Variants in GRM7 observed in about 807,000 individuals in gnomAD.
GRM7 encodes the protein glutamate metabotropic receptor 7, also known as metabotropic glutamate receptor 7.
In GRM7, 35 loss-of-function variants were observed where a neutral mutation model predicts 84.5. The observed-to-expected ratio is 0.41, with a 90% CI of 0.32 to 0.55. The LOEUF (loss-of-function observed/expected upper bound fraction) is 0.55, where lower values mean the gene tolerates loss of function less well. GRM7 is among the 20% of genes least tolerant of loss of function. GRM7 has a pLI of 0.19. For synonymous variants in GRM7, 487 were observed against 455.1 expected (o/e 1.07, Z -0.89); for missense variants, 1,003 against 1,194.6 (o/e 0.84, Z 2.36).
intron 2 of GRM7, among the ~76,000 whole-genome samples, chr3:7,162,670 C>A (rs1459531556): frequency 7.1e-6 from 1 of 141,034 alleles, no homozygotes; most frequent in African/African-American, 2.6e-5. Flanking sequence ...CTTAAAAAGG[C>A]AATTTGAGGA....
chr3:6,960,458 C>G (rs1693249510), intron 1 of GRM7, among the ~76,000 whole-genome samples: 1 of 152,106 alleles, frequency 6.6e-6, no homozygotes. Flanking sequence ...TATCTCCCAC[C>G]AAAATACTAC....
intron 1 of GRM7, among the ~76,000 whole-genome samples, chr3:7,064,810 C>T (rs2124975295): frequency 6.6e-6 from 1 of 151,836 alleles, no homozygotes; most frequent in Non-Finnish European, 1.5e-5. Flanking sequence ...TACATTCCCA[C>T]CAGCAGTGCA....
At position 7,419,839 on chromosome 3, in the gene GRM7, A is replaced by G. The variant is rs529994089; in HGVS notation, c.1174+4676A>G. Among the ~76,000 whole-genome samples the G allele has an allele frequency of 1.3e-4, 20 of 152,326 alleles. 1 individual carries two copies. In the South Asian group the frequency reaches 4.1e-3, roughly 32 times the overall value. ...CTTTCGCGATGACAGAAGATGAATA[A>G]ATTGGTGACATATATTTTTTGTAAC... On this transcript the variant is annotated intron_variant, in intron 5 of 9. Coordinates refer to ENST00000357716, the MANE Select transcript of GRM7 (RefSeq NM_000844.4).
intron 1 of GRM7, among the ~76,000 whole-genome samples, chr3:7,107,920 A>G (rs1692709705): frequency 6.6e-6 from 1 of 152,090 alleles, no homozygotes; most frequent in African/African-American, 2.4e-5. Context: ...AAAAAAGACG[A>G]GAAAAGAGAC....
At chr3:7,401,361 G>GTT (rs1307628969) in intron 4 of GRM7, among the ~76,000 whole-genome samples, 1 of 152,106 alleles carries the variant, frequency 6.6e-6, no homozygotes, top group Non-Finnish European at 1.5e-5. Flanking sequence ...TGCAAACAGT[G>GTT]TTGACCACGT....
Position 7,102,363 on chromosome 3 carries a change from T to C in GRM7, c.520-44089T>C, listed in dbSNP as rs1272464882. On this transcript the variant is annotated intron_variant, in intron 1 of 9. Transcript: ENST00000357716. Reference sequence around the variant, plus strand: ...CAACATTGTTCTATTGTATGCTGGCTGCCATCGCTTCTGAAGAGAAGTCAG... The same window carrying C: ...CAACATTGTTCTATTGTATGCTGGCCGCCATCGCTTCTGAAGAGAAGTCAG... 2.0e-5 allele frequency among the ~76,000 whole-genome samples: 3 copies of C among 151,832 alleles called. No individual in the cohort carries two copies. The South Asian group carries it at 6.2e-4, about 31-fold the overall frequency.
chr3:7,229,726 CAT>C (rs1162837346), intron 2 of GRM7, among the ~76,000 whole-genome samples: 31 of 28,590 alleles, frequency 1.1e-3, no homozygotes, highest in Non-Finnish European at 1.8e-3. Flanking sequence ...TAGACACACA[CAT>C]ATATATATAT....
chr3:7,070,438 A>G (rs1414576636), intron 1 of GRM7, among the ~76,000 whole-genome samples: 1 of 152,150 alleles, frequency 6.6e-6, no homozygotes, highest in African/African-American at 2.4e-5. Context: ...GCTAAAAACA[A>G]AACTTTTTCA....
intron 1 of GRM7, among the ~76,000 whole-genome samples, chr3:6,964,490 G>A (rs370584119): frequency 6.6e-6 from 1 of 152,098 alleles, no homozygotes; most frequent in South Asian, 2.1e-4. Context: ...CCCCCATGGT[G>A]ACTTGTCCTA....
intron 8 of GRM7, among the ~76,000 whole-genome samples, chr3:7,627,257 C>T (rs1015705009): frequency 6.6e-6 from 1 of 152,108 alleles, no homozygotes; most frequent in Non-Finnish European, 1.5e-5. Context: ...TCTTATTGAT[C>T]AGCACATGTT....
chr3:7,160,799 G>T (rs1289931979), intron 2 of GRM7, among the ~76,000 whole-genome samples: 2 of 152,054 alleles, frequency 1.3e-5, no homozygotes, highest in African/African-American at 4.8e-5. Flanking sequence ...TGTTCCCATA[G>T]CACCCCATAC....
At chr3:6,995,557 G>A (rs1415429210) in intron 1 of GRM7, among the ~76,000 whole-genome samples, 2 of 152,142 alleles carry the variant, frequency 1.3e-5, no homozygotes, top group Non-Finnish European at 2.9e-5. Context: ...TGGCAATTTT[G>A]TACTTTGCTA....
chr3:7,019,857 A>G (rs1695714292), intron 1 of GRM7, among the ~76,000 whole-genome samples: 2 of 152,252 alleles, frequency 1.3e-5, no homozygotes. Flanking sequence ...AGGCTTCAGA[A>G]AAACAATAAC....
intron 1 of GRM7, among the ~76,000 whole-genome samples, chr3:6,926,748 A>G (rs1207278603): frequency 6.6e-6 from 1 of 152,210 alleles, no homozygotes; most frequent in Non-Finnish European, 1.5e-5. Flanking sequence ...CACCATTTTA[A>G]TAACTGTAGA....
intron 1 of GRM7, chr3:6,893,920 C>G (rs929512861): frequency 3.3e-5 from 5 of 152,176 alleles, no homozygotes; most frequent in African/African-American, 9.6e-5. Flanking sequence ...AGATGCTCAC[C>G]TAATATCACT....
intron 1 of GRM7, among the ~76,000 whole-genome samples, chr3:6,999,572 C>T (rs1486825574): frequency 1.3e-5 from 2 of 152,134 alleles, no homozygotes; most frequent in Non-Finnish European, 2.9e-5. Flanking sequence ...TATAAGGACA[C>T]ATCTGAGACT....
intron 5 of GRM7, among the ~76,000 whole-genome samples, chr3:7,440,949 A>G (rs1054496361): frequency 1.3e-5 from 2 of 152,194 alleles, no homozygotes; most frequent in Non-Finnish European, 2.9e-5. Context: ...TAGCGCTGCC[A>G]TGAACATGTG....
chr3:6,990,023 T>G (rs1261590371), intron 1 of GRM7, among the ~76,000 whole-genome samples: 1 of 152,234 alleles, frequency 6.6e-6, no homozygotes, highest in Non-Finnish European at 1.5e-5. Flanking sequence ...GGATGCTAGC[T>G]GACTCTGCAT....
At chr3:7,680,785 A>G (rs1387708363) in intron 9 of GRM7, 1 of 162,896 alleles carries the variant, frequency 6.1e-6, no homozygotes, top group African/African-American at 2.4e-5. Context: ...AATATTGGAA[A>G]AAGTTGTCAA....
Sources: allele counts gnomAD v4.1 joint callset (sites outside exome capture counted in the v4.1 genomes callset), GRCh38; gene constraint gnomAD v4.1.1; transcripts MANE v1.5; gene names NCBI Gene and HGNC (gene_info 2026-07-23, HGNC 2026-07-21).